The following DCC variants were observed in gnomAD, a reference collection of about 807,000 sequenced individuals.
DCC encodes the protein netrin receptor DCC.
Under a neutral mutation model 172.5 loss-of-function variants are expected in DCC, and 58 were observed. The observed-to-expected ratio is 0.34, with a 90% CI of 0.27 to 0.42. The LOEUF is 0.42. Among genes scored for constraint, DCC ranks in the 10% least tolerant of loss-of-function variants. The pLI is 1.00. For missense variants in DCC, 1,740 were observed against 1,791.0 expected (o/e 0.97, Z 0.51); for synonymous variants, 709 against 644.5 (o/e 1.10, Z -1.52).
At position 52,622,846 on chromosome 18, in the gene DCC, CA is replaced by C. The variant is rs892183009; in HGVS notation, c.92-129200del. Reference sequence around the variant, plus strand: ...TGCCACACTTTTGATTTTAGGTGACCAAAAAAAATGATCATAGAAGGAATTT... The same window carrying C: ...TGCCACACTTTTGATTTTAGGTGACCAAAAAAATGATCATAGAAGGAATTT... On this transcript the variant is annotated intron_variant, in intron 1 of 28. Coordinates refer to ENST00000442544, the MANE Select transcript of DCC (RefSeq NM_005215.4). 7.5e-4 allele frequency among the ~76,000 whole-genome samples: 114 copies of C among 151,832 alleles called. 1 individual carries two copies. The highest frequency in any genetic ancestry group is 2.5e-3 in the African/African-American group (104 of 41,450).
chr18:53,109,177 G>T (rs777205787), intron 7 of DCC, among the ~76,000 whole-genome samples: 1 of 151,106 alleles, frequency 6.6e-6, no homozygotes, highest in African/African-American at 2.4e-5. Flanking sequence ...TATATTTGTT[G>T]ACCGTTTGGG....
intron 2 of DCC, among the ~76,000 whole-genome samples, chr18:52,831,410 T>C (rs1056712596): frequency 2.0e-5 from 3 of 152,082 alleles, no homozygotes; most frequent in African/African-American, 7.2e-5. Context: ...TGCGCTGGAA[T>C]ATGGGAGGGC....
intron 1 of DCC, among the ~76,000 whole-genome samples, chr18:52,564,083 T>C (rs946988773): frequency 2.0e-5 from 3 of 152,184 alleles, no homozygotes; most frequent in Non-Finnish European, 4.4e-5. Context: ...CTTCTATGTT[T>C]CTTGTGACCT....
intron 7 of DCC, among the ~76,000 whole-genome samples, chr18:53,071,707 GTTGT>G (rs2042653461): frequency 6.6e-6 from 1 of 152,146 alleles, no homozygotes; most frequent in African/African-American, 2.4e-5. Context: ...GAGTTTTATT[GTTGT>G]TTGTTTTAAT....
At chr18:53,162,064 C>T (rs1395033363) in intron 8 of DCC, among the ~76,000 whole-genome samples, 1 of 151,930 alleles carries the variant, frequency 6.6e-6, no homozygotes, top group Non-Finnish European at 1.5e-5. Flanking sequence ...TTTGGGAGGC[C>T]GAGGTGAGTG....
At chr18:53,486,987 G>A (rs754625259) in intron 26 of DCC, 29 bp downstream of exon 26, 4 of 1,613,554 alleles carry the variant, frequency 2.5e-6, no homozygotes, top group Admixed American at 3.3e-5. Flanking sequence ...TTTTTAATAA[G>A]CACAAATGAA....
intron 7 of DCC, among the ~76,000 whole-genome samples, chr18:53,133,986 T>G (rs1192881317): frequency 6.6e-6 from 1 of 152,198 alleles, no homozygotes; most frequent in Admixed American, 6.5e-5. Context: ...AGCAAGAGAC[T>G]ATTTTTATGG....
In DCC at chr18:53,091,847, CTATCAATCTATCTATA is replaced by C. The variant is rs1198882519; in HGVS notation, c.1261+25685_1261+25700del. Among the ~76,000 whole-genome samples, 276 of 55,678 alleles carry C rather than the reference CTATCAATCTATCTATA, an allele frequency of 5.0e-3. 2 individuals carry two copies. The highest frequency in any genetic ancestry group is 0.025 in the African/African-American group (253 of 10,290). 36.5% of individuals were successfully genotyped at this position (55,678 alleles called of 152,430 possible). ...TCTATCTATCTATCTATCTATCTAT[CTATCAATCTATCTATA>C]TATATATATATATCTACATAAATAT... is the stretch of plus-strand genomic sequence containing the variant. On this transcript the variant is annotated intron_variant, in intron 7 of 28. Transcript: ENST00000442544.
Position 53,207,665 on chromosome 18 carries a change from T to G in DCC, c.1723-14T>G. The G allele has an allele frequency of 6.2e-7, 1 of 1,612,926 alleles. No individual in the cohort carries two copies. Among genetic ancestry groups the G allele is most frequent in the South Asian group, 1.1e-5 (1 of 91,068 alleles). ...TGCTTCCTTGATAACAGTTTTGGTG[T>G]TTTATGTCTCCAGAATATAGAGGTT... On this transcript the variant is annotated splice_polypyrimidine_tract_variant and intron_variant, in intron 10 of 28. Transcript: ENST00000442544.
At chr18:53,474,959 A>C (rs2045743932) in intron 25 of DCC, among the ~76,000 whole-genome samples, 1 of 152,212 alleles carries the variant, frequency 6.6e-6, no homozygotes, top group African/African-American at 2.4e-5. Flanking sequence ...ATACAGTCTG[A>C]GGTGGTCTCA....
At chr18:52,730,792 C>G (rs749306247) in intron 1 of DCC, among the ~76,000 whole-genome samples, 36 of 152,098 alleles carry the variant, frequency 2.4e-4, no homozygotes, top group Non-Finnish European at 3.8e-4. Flanking sequence ...ATGTATGAGG[C>G]CTTCGAAGTT....
At chr18:53,367,851 G>T (rs1001755676) in intron 15 of DCC, among the ~76,000 whole-genome samples, 4 of 152,108 alleles carry the variant, frequency 2.6e-5, no homozygotes, top group Non-Finnish European at 5.9e-5. Context: ...ATGCAACAAT[G>T]CCCTCAGAAT....
chr18:53,072,506 C>T (rs1210608315), intron 7 of DCC, among the ~76,000 whole-genome samples: 1 of 152,138 alleles, frequency 6.6e-6, no homozygotes, highest in African/African-American at 2.4e-5. Flanking sequence ...TTGGAAGTAC[C>T]TGACTGCTGA....
chr18:52,399,110 T>TGA (rs2144369600), intron 1 of DCC, among the ~76,000 whole-genome samples: 1 of 152,130 alleles, frequency 6.6e-6, no homozygotes, highest in African/African-American at 2.4e-5. Flanking sequence ...AAAATTAAAC[T>TGA]GAGATAAGGC....
chr18:52,359,380 T>C (rs1160521531), intron 1 of DCC, among the ~76,000 whole-genome samples: 1 of 152,224 alleles, frequency 6.6e-6, no homozygotes, highest in Non-Finnish European at 1.5e-5. Flanking sequence ...TACAGAAGAA[T>C]ATCCCATTTT....
intron 1 of DCC, among the ~76,000 whole-genome samples, chr18:52,375,960 G>A (rs770530030): frequency 3.3e-5 from 5 of 152,084 alleles, no homozygotes; most frequent in Admixed American, 6.6e-5. Context: ...GAGAAGTCAA[G>A]GTTTCCTAGC....
At chr18:53,440,948 C>T (rs752151417) in intron 22 of DCC, among the ~76,000 whole-genome samples, 1 of 152,198 alleles carries the variant, frequency 6.6e-6, no homozygotes, top group Non-Finnish European at 1.5e-5. Context: ...ACCTCACCAG[C>T]ATTAACATGT....
intron 1 of DCC, among the ~76,000 whole-genome samples, chr18:52,665,224 A>C (rs1458496011): frequency 6.6e-6 from 1 of 152,182 alleles, no homozygotes; most frequent in East Asian, 1.9e-4. Flanking sequence ...TGTTTCTAAC[A>C]CAATCAAAGA....
At position 52,559,914 on chromosome 18, in the gene DCC, C is replaced by T. The variant is rs374177830; in HGVS notation, c.92-192140C>T. ...TTAACTTTTTCATTTATTATTTCCT[C>T]GGAGTTAATATTTCATTGAAAAGCA... On this transcript the variant is annotated intron_variant, in intron 1 of 28. Transcript: ENST00000442544. 3.3e-3 allele frequency among the ~76,000 whole-genome samples: 503 copies of T among 152,222 alleles called. 4 individuals are homozygous for T. The highest frequency in any genetic ancestry group is 0.012 in the African/African-American group (481 of 41,546).
Sources: gnomAD v4.1 joint callset for allele counts (sites outside exome capture counted in the v4.1 genomes callset) on GRCh38, gnomAD v4.1.1 for gene constraint, MANE v1.5 for transcripts, NCBI Gene and HGNC (gene_info 2026-07-23, HGNC 2026-07-21) for gene names.